RAPGEF6: variants seen among roughly 807,000 people sequenced by gnomAD.
RAPGEF6 encodes the protein Rap guanine nucleotide exchange factor 6, also known as PDZ domain containing guanine nucleotide exchange factor (GEF) 2.
In RAPGEF6, 56 loss-of-function variants were observed where a neutral mutation model predicts 171.4. The observed-to-expected ratio is 0.33, with a 90% confidence interval of 0.26 to 0.41. The LOEUF is 0.41. Ranked by LOEUF, RAPGEF6 falls within the 10% of genes least tolerant of loss-of-function variation. RAPGEF6 has a pLI of 1.00. For missense variants in RAPGEF6, 1,674 were observed against 1,921.4 expected (o/e 0.87, Z 2.41); for synonymous variants, 692 against 650.1 (o/e 1.06, Z -0.98).
intron 5 of RAPGEF6, among the ~76,000 whole-genome samples, chr5:131,559,835 G>GAAAAAAAGAAAAA (rs1340210992): frequency 2.1e-5 from 2 of 94,888 alleles, no homozygotes; most frequent in South Asian, 3.2e-4. Flanking sequence ...TTTTCTTTAA[G>GAAAAAAAGAAAAA]AAAAAAAGAA....
Position 131,446,656 on chromosome 5 carries a change from C to T in RAPGEF6, c.3248G>A (p.Gly1083Glu), listed in dbSNP as rs780349728. The stretch of plus-strand genomic sequence containing the variant: ...GCGTGCCCTTTTTTTGTGAGCACCT[C>T]CCTGAACATCCAGCATGTTTGAATT... ...STNSNMLDVQ[G>E]GAHKKRARRS... Residue 1083 changes from glycine (G) to glutamate (E), a missense_variant, in exon 22 of 28, where the codon GGA (glycine) becomes GAA (glutamate). By Grantham distance (98) the Gly-to-Glu change is moderately conservative (BLOSUM62 -2). This residue lies in a region of RAPGEF6 where 1,116 missense variants were observed against 1,321.5 expected (regional missense o/e 0.84). Transcript: ENST00000509018. The T allele has an allele frequency of 5.6e-6, 9 of 1,614,166 alleles. No individual in the cohort carries two copies. Among genetic ancestry groups the T allele is most frequent in the Non-Finnish European group, 7.6e-6 (9 of 1,179,984 alleles).
chr5:131,570,938 A>G (rs927894352), intron 4 of RAPGEF6, among the ~76,000 whole-genome samples: 3 of 146,504 alleles, frequency 2.0e-5, no homozygotes, highest in African/African-American at 7.8e-5. Context: ...TTCATCCCCA[A>G]CTACTTTTTT....
chr5:131,436,239 C>T, intron 24 of RAPGEF6: 2 of 1,537,528 alleles, frequency 1.3e-6, no homozygotes, highest in Non-Finnish European at 1.7e-6. Flanking sequence ...CTCTATTCTC[C>T]TCAGTGGCCT....
At chr5:131,601,053 T>C (rs1420908341) in intron 3 of RAPGEF6, among the ~76,000 whole-genome samples, 1 of 140,030 alleles carries the variant, frequency 7.1e-6, no homozygotes, top group Non-Finnish European at 1.5e-5. Context: ...AGTTCAAGAC[T>C]GGCCTGGGCA....
intron 19 of RAPGEF6, among the ~76,000 whole-genome samples, chr5:131,456,396 GAAC>G (rs1753504783): frequency 6.6e-6 from 1 of 152,098 alleles, no homozygotes; most frequent in Non-Finnish European, 1.5e-5. Flanking sequence ...GTAATGCTGA[GAAC>G]AACTGTTAAA....
At chr5:131,589,988 G>A (rs1478750065) in intron 4 of RAPGEF6, among the ~76,000 whole-genome samples, 1 of 152,180 alleles carries the variant, frequency 6.6e-6, no homozygotes, top group Admixed American at 6.5e-5. Flanking sequence ...CGTGAGGAAG[G>A]GGTCTGTCTC....
At chr5:131,450,053 G>A (rs887092640) in intron 21 of RAPGEF6, 1 of 1,542,684 alleles carries the variant, frequency 6.5e-7, no homozygotes, top group Non-Finnish European at 8.7e-7. Flanking sequence ...CTTCCTGTAA[G>A]CAAGAGCCAC....
intron 11 of RAPGEF6, among the ~76,000 whole-genome samples, chr5:131,502,580 G>A (rs1757096376): frequency 6.6e-6 from 1 of 152,176 alleles, no homozygotes; most frequent in Admixed American, 6.5e-5. Flanking sequence ...GGAAATACTG[G>A]AAAGATCCAG....
chr5:131,563,146 T>C (rs954979168), intron 4 of RAPGEF6, among the ~76,000 whole-genome samples: 9 of 151,748 alleles, frequency 5.9e-5, no homozygotes, highest in African/African-American at 1.5e-4. Context: ...AAAATAATGA[T>C]AAAGCAACCA....
At chr5:131,483,318 C>T (rs1296153922) in intron 15 of RAPGEF6, among the ~76,000 whole-genome samples, 1 of 131,730 alleles carries the variant, frequency 7.6e-6, no homozygotes, top group African/African-American at 3.0e-5. Context: ...CACTGCACTC[C>T]AACCTGGGCA....
chr5:131,519,061 A>T (rs1395275230), intron 7 of RAPGEF6, among the ~76,000 whole-genome samples: 1 of 152,166 alleles, frequency 6.6e-6, no homozygotes, highest in African/African-American at 2.4e-5. Flanking sequence ...GGTCATATGG[A>T]TACTTTCTGA....
rs1314740108 is a variant in RAPGEF6, at chr5:131,604,686, T to C, written c.77A>G (p.Asn26Ser). 2.5e-6 allele frequency: 4 copies of C among 1,608,080 alleles called. No homozygotes were observed. Among genetic ancestry groups the C allele is most frequent in the Admixed American group, 1.7e-5 (1 of 58,512 alleles). Reference sequence around the variant, plus strand: ...TCCATGAAGATAAGAATAAATAGTATTTAAGTCCTGTGGAACAGAAGAAAA... The same window carrying C: ...TCCATGAAGATAAGAATAAATAGTACTTAAGTCCTGTGGAACAGAAGAAAA... ...KPPERTPEDL[N>S]TIYSYLHGME... The change falls in exon 2 of 28, where the codon AAT (asparagine) becomes AGT (serine). Residue 26 changes from asparagine (N) to serine (S), a missense_variant. Physicochemically the swap from Asn to Ser is conservative, Grantham distance 46. This residue lies in a region of RAPGEF6 where 1,116 missense variants were observed against 1,321.5 expected (regional missense o/e 0.84). Coordinates refer to ENST00000509018, the MANE Select transcript of RAPGEF6 (RefSeq NM_016340.6).
chr5:131,491,850 G>A (rs1213824174), intron 14 of RAPGEF6, among the ~76,000 whole-genome samples: 1 of 152,134 alleles, frequency 6.6e-6, no homozygotes, highest in Non-Finnish European at 1.5e-5. Context: ...GGTCCCTGGT[G>A]CCAAAAAGGT....
intron 21 of RAPGEF6, chr5:131,446,966 C>T (rs1752760291): frequency 5.3e-6 from 2 of 375,210 alleles, no homozygotes; most frequent in Admixed American, 4.4e-5. Flanking sequence ...TGTGTTTGTG[C>T]CTATGCAACC....
intron 14 of RAPGEF6, among the ~76,000 whole-genome samples, chr5:131,490,584 A>G (rs903783619): frequency 3.3e-5 from 5 of 152,204 alleles, no homozygotes; most frequent in African/African-American, 1.2e-4. Flanking sequence ...AAAGAAGCGC[A>G]AAGAGTTTGG....
intron 3 of RAPGEF6, among the ~76,000 whole-genome samples, chr5:131,603,044 A>T (rs984500729): frequency 6.6e-6 from 1 of 152,186 alleles, no homozygotes; most frequent in African/African-American, 2.4e-5. Flanking sequence ...GAAAACTGGT[A>T]TCTCTATTTT....
At chr5:131,623,001 C>T (rs2150035737) in intron 1 of RAPGEF6, among the ~76,000 whole-genome samples, 1 of 152,266 alleles carries the variant, frequency 6.6e-6, no homozygotes, top group Admixed American at 6.5e-5. Context: ...CTAAATTTTA[C>T]ATTTTTTAAA....
At chr5:131,488,760 T>C (rs1561505017) in intron 15 of RAPGEF6, among the ~76,000 whole-genome samples, 1 of 152,198 alleles carries the variant, frequency 6.6e-6, no homozygotes. Flanking sequence ...ACTTCTCAAA[T>C]TGTAACCTAA....
At chr5:131,478,894 C>A (rs1268435451) in intron 16 of RAPGEF6, among the ~76,000 whole-genome samples, 1 of 152,122 alleles carries the variant, frequency 6.6e-6, no homozygotes, top group Non-Finnish European at 1.5e-5. Context: ...AAACTGAGTG[C>A]CTACTATGTG....
Sources: allele counts gnomAD v4.1 joint callset (sites outside exome capture counted in the v4.1 genomes callset), GRCh38; gene constraint gnomAD v4.1.1; regional missense constraint gnomAD v4.1.1; transcripts MANE v1.5; gene names NCBI Gene and HGNC (gene_info 2026-07-23, HGNC 2026-07-21).